HECW1: variants seen among roughly 807,000 people sequenced by gnomAD.
HECW1 encodes the protein E3 ubiquitin-protein ligase HECW1.
HECW1 carries 61 observed loss-of-function variants against 182.3 expected under a neutral mutation model. The ratio of observed to expected loss-of-function variants is 0.33; its 90% CI spans 0.27 to 0.41. The LOEUF (loss-of-function observed/expected upper bound fraction) is 0.41. HECW1 is among the 10% of genes least tolerant of loss of function. HECW1 has a pLI of 1.00. For missense variants in HECW1, 1,739 were observed against 2,108.9 expected, an observed-to-expected ratio of 0.82 and a Z score of 3.44; for synonymous variants, 859 against 832.6, an observed-to-expected ratio of 1.03 and a Z score of -0.55.
intron 8 of HECW1, among the ~76,000 whole-genome samples, chr7:43,421,131 A>T (rs2076168783): frequency 6.6e-6 from 1 of 152,240 alleles, no homozygotes; most frequent in African/African-American, 2.4e-5. Flanking sequence ...ATCCAGAAAT[A>T]GATGCACCAC....
At chr7:43,146,410 G>A (rs974150557) in intron 2 of HECW1, among the ~76,000 whole-genome samples, 2 of 152,120 alleles carry the variant, frequency 1.3e-5, no homozygotes, top group Admixed American at 6.5e-5. Context: ...CTCTGGTTGG[G>A]AACCACTAGA....
At chr7:43,443,653 A>T (rs368472154) in intron 10 of HECW1, among the ~76,000 whole-genome samples, 2 of 152,264 alleles carry the variant, frequency 1.3e-5, no homozygotes, top group African/African-American at 4.8e-5. Context: ...TGTTTTTTTT[A>T]AATTGGAATA....
chr7:43,544,109 C>T (rs1156906220), intron 26 of HECW1, among the ~76,000 whole-genome samples: 1 of 152,118 alleles, frequency 6.6e-6, no homozygotes, highest in African/African-American at 2.4e-5. Context: ...TTTAATCTTG[C>T]ACTAAAGAAT....
chr7:43,115,887 G>A (rs1277277534), intron 2 of HECW1, among the ~76,000 whole-genome samples: 1 of 152,144 alleles, frequency 6.6e-6, no homozygotes. Flanking sequence ...TTGTAAATGT[G>A]CCACAGTCTC....
intron 14 of HECW1, among the ~76,000 whole-genome samples, chr7:43,465,171 G>A (rs1202414712): frequency 1.3e-5 from 2 of 152,108 alleles, no homozygotes; most frequent in South Asian, 4.1e-4. Flanking sequence ...AGAAACATGA[G>A]GAAAAAGCAG....
chr7:43,414,936 G>A (rs572027962), intron 8 of HECW1, among the ~76,000 whole-genome samples: 10 of 152,134 alleles, frequency 6.6e-5, no homozygotes, highest in African/African-American at 2.4e-4. Context: ...TTGTGTCTCT[G>A]CCCGGCTTTG....
intron 3 of HECW1, among the ~76,000 whole-genome samples, chr7:43,256,441 C>T (rs1800578889): frequency 1.3e-5 from 2 of 151,966 alleles, no homozygotes; most frequent in East Asian, 1.9e-4. Context: ...GAAACCCTGT[C>T]GCTACTAAAA....
chr7:43,292,617 G>T (rs1185560345), intron 3 of HECW1, among the ~76,000 whole-genome samples: 1 of 152,204 alleles, frequency 6.6e-6, no homozygotes, highest in Non-Finnish European at 1.5e-5. Flanking sequence ...GCAGTAAGTG[G>T]CAAGGTGTGA....
At chr7:43,256,766 A>G (rs1800631000) in intron 3 of HECW1, among the ~76,000 whole-genome samples, 1 of 152,288 alleles carries the variant, frequency 6.6e-6, no homozygotes, top group East Asian at 1.9e-4. Context: ...ACTAAAAGCA[A>G]TATTTCCTAG....
At chr7:43,379,487 C>T (rs959868682) in intron 6 of HECW1, among the ~76,000 whole-genome samples, 1 of 152,174 alleles carries the variant, frequency 6.6e-6, no homozygotes, top group African/African-American at 2.4e-5. Flanking sequence ...CCACTGTCCT[C>T]TCCGCTCAAT....
At chr7:43,320,249 C>T (rs562878434) in intron 4 of HECW1, among the ~76,000 whole-genome samples, 1 of 152,328 alleles carries the variant, frequency 6.6e-6, no homozygotes, top group South Asian at 2.1e-4. Context: ...CTTTATGTCT[C>T]GCCCTTAGGC....
intron 2 of HECW1, among the ~76,000 whole-genome samples, chr7:43,150,363 C>T (rs1789165197): frequency 6.6e-6 from 1 of 152,106 alleles, no homozygotes; most frequent in Non-Finnish European, 1.5e-5. Context: ...CGTCACTGAA[C>T]CAGCATTTTA....
chr7:43,362,395 G>A (rs188419329), intron 6 of HECW1, among the ~76,000 whole-genome samples: 13 of 152,278 alleles, frequency 8.5e-5, no homozygotes, highest in Non-Finnish European at 1.2e-4. Context: ...AGCGGGAAGC[G>A]CAGTGGGAAG....
intron 2 of HECW1, among the ~76,000 whole-genome samples, chr7:43,156,788 G>A (rs2107272): frequency 0.26 from 38,912 of 150,474 alleles, 5,707 homozygotes; most frequent in East Asian, 0.4. Flanking sequence ...AGTGATGTGT[G>A]TTACCTCTAG....
At chr7:43,190,249 G>T (rs1793785437) in intron 2 of HECW1, among the ~76,000 whole-genome samples, 1 of 152,118 alleles carries the variant, frequency 6.6e-6, no homozygotes, top group Non-Finnish European at 1.5e-5. Flanking sequence ...GAGTAGCTAG[G>T]ATTACAGGCG....
chr7:43,132,443 G>A (rs1435062684), intron 2 of HECW1, among the ~76,000 whole-genome samples: 3 of 152,110 alleles, frequency 2.0e-5, no homozygotes, highest in Non-Finnish European at 4.4e-5. Context: ...TACATTGGGG[G>A]TTGCAAAATG....
intron 2 of HECW1, among the ~76,000 whole-genome samples, chr7:43,163,341 G>C (rs1790754187): frequency 6.6e-6 from 1 of 152,242 alleles, no homozygotes; most frequent in South Asian, 2.1e-4. Context: ...ATGTTGATCA[G>C]TGTGCATGCA....
chr7:43,380,134 C>T (rs1359625143), intron 6 of HECW1, among the ~76,000 whole-genome samples: 1 of 152,240 alleles, frequency 6.6e-6, no homozygotes, highest in Admixed American at 6.5e-5. Context: ...TTCACTGCAA[C>T]TTTGACCTCC....
At position 43,454,167 on chromosome 7, in the gene HECW1, C is replaced by A. The variant is rs186594719; in HGVS notation, c.2501-2130C>A. 1.2e-3 allele frequency among the ~76,000 whole-genome samples: 183 copies of A among 152,256 alleles called. 2 individuals carry two copies. Among genetic ancestry groups the A allele is most frequent in the African/African-American group, 4.3e-3 (179 of 41,546 alleles). Reference sequence around the variant, plus strand: ...AAGCCAACCTTTGTCTGCGAAGGACCCCTTTCTTTACTGTAGGTTCCTGGA... The same window carrying A: ...AAGCCAACCTTTGTCTGCGAAGGACACCTTTCTTTACTGTAGGTTCCTGGA... On this transcript the variant is annotated intron_variant, in intron 12 of 29. Coordinates refer to ENST00000395891, the MANE Select transcript of HECW1 (RefSeq NM_015052.5).
Sources: gnomAD v4.1 joint callset for allele counts (sites outside exome capture counted in the v4.1 genomes callset) on GRCh38, gnomAD v4.1.1 for gene constraint, MANE v1.5 for transcripts, NCBI Gene and HGNC (gene_info 2026-07-23, HGNC 2026-07-21) for gene names.